Variants in OXR1 observed in about 807,000 individuals in gnomAD.
OXR1 encodes oxidation resistance 1, also known as oxidation resistance protein 1.
Under a neutral mutation model 104.6 loss-of-function variants are expected in OXR1, and 41 were observed. The ratio of observed to expected loss-of-function variants is 0.39; its 90% CI spans 0.31 to 0.51. The LOEUF is 0.51. Among genes scored for constraint, OXR1 ranks in the 20% least tolerant of loss-of-function variants. The probability of loss-of-function intolerance (pLI) is 0.77; values close to 1 mark genes in which losing one functional copy is unlikely to be tolerated. For synonymous variants in OXR1, 348 were observed against 348.4 expected, an observed-to-expected ratio of 1.00 and a Z score of 0.01; for missense variants, 955 against 1,031.9, an observed-to-expected ratio of 0.93 and a Z score of 1.02.
At chr8:106,341,699 G>C (rs984274164) in intron 1 of OXR1, among the ~76,000 whole-genome samples, 6 of 151,920 alleles carry the variant, frequency 3.9e-5, no homozygotes, top group African/African-American at 1.5e-4. Flanking sequence ...AAGGGAACTG[G>C]AGGCCATACA....
chr8:106,695,921 C>T (rs1829981568), intron 7 of OXR1, among the ~76,000 whole-genome samples: 1 of 151,994 alleles, frequency 6.6e-6, no homozygotes, highest in Non-Finnish European at 1.5e-5. Context: ...CCCAGTTTCC[C>T]TTATTAACAT....
intron 3 of OXR1, among the ~76,000 whole-genome samples, chr8:106,561,533 C>T (rs1220388604): frequency 6.6e-6 from 1 of 152,116 alleles, no homozygotes. Flanking sequence ...CAGGAAGGGG[C>T]GGCTGTGGGC....
chr8:106,410,878 T>C (rs1818431432), intron 2 of OXR1, among the ~76,000 whole-genome samples: 1 of 152,184 alleles, frequency 6.6e-6, no homozygotes, highest in African/African-American at 2.4e-5. Context: ...TATGGTTTTA[T>C]ATGTGTTCCC....
At chr8:106,630,843 T>G (rs775092362) in intron 3 of OXR1, among the ~76,000 whole-genome samples, 2 of 152,184 alleles carry the variant, frequency 1.3e-5, no homozygotes, top group Non-Finnish European at 2.9e-5. Flanking sequence ...ACACTTCTAG[T>G]TCTAGGGCTC....
chr8:106,590,381 G>A (rs1202931775), intron 3 of OXR1, among the ~76,000 whole-genome samples: 6 of 152,174 alleles, frequency 3.9e-5, no homozygotes, highest in African/African-American at 1.4e-4. Context: ...TCTGCCTCCT[G>A]GGTTCAAGCG....
intron 1 of OXR1, among the ~76,000 whole-genome samples, chr8:106,302,821 G>A (rs556562601): frequency 8.4e-4 from 127 of 151,736 alleles, no homozygotes; most frequent in Non-Finnish European, 7.4e-4. Flanking sequence ...GCGCCATCTC[G>A]GCTCACTGCA....
chr8:106,686,287 TAA>T (rs34055157), intron 6 of OXR1, among the ~76,000 whole-genome samples: 87,349 of 144,698 alleles, frequency 0.6, 26,897 homozygotes, highest in African/African-American at 0.76. Context: ...GGAAAATAAT[TAA>T]AAAAAAAAAA....
At chr8:106,726,315 T>A in intron 11 of OXR1, 4 of 1,428,180 alleles carry the variant, frequency 2.8e-6, no homozygotes, top group Non-Finnish European at 3.8e-6. Flanking sequence ...CTCTGGTAAA[T>A]CTTAGTCAAT....
At chr8:106,430,259 T>C (rs1437436159) in intron 2 of OXR1, among the ~76,000 whole-genome samples, 1 of 152,168 alleles carries the variant, frequency 6.6e-6, no homozygotes, top group Non-Finnish European at 1.5e-5. Flanking sequence ...AATGATGGAA[T>C]GGAATTAGCT....
chr8:106,739,186 T>C (rs1437202219), intron 12 of OXR1, among the ~76,000 whole-genome samples: 1 of 151,914 alleles, frequency 6.6e-6, no homozygotes, highest in Non-Finnish European at 1.5e-5. Flanking sequence ...AACTATCTTC[T>C]TTACACAGAA....
At chr8:106,596,003 G>T (rs2130726238) in intron 3 of OXR1, among the ~76,000 whole-genome samples, 1 of 152,230 alleles carries the variant, frequency 6.6e-6, no homozygotes, top group Middle Eastern at 3.4e-3. Flanking sequence ...GTAATTTCAA[G>T]TTATCATTTA....
At chr8:106,332,947 T>C (rs1278566928) in intron 1 of OXR1, among the ~76,000 whole-genome samples, 1 of 152,178 alleles carries the variant, frequency 6.6e-6, no homozygotes, top group Admixed American at 6.5e-5. Flanking sequence ...GTTCTCAAGG[T>C]TCATTCATGT....
At chr8:106,559,719 T>C (rs1243678625) in intron 3 of OXR1, among the ~76,000 whole-genome samples, 1 of 152,100 alleles carries the variant, frequency 6.6e-6, no homozygotes, top group African/African-American at 2.4e-5. Flanking sequence ...TATCCTCACA[T>C]GGCAAAAAGG....
chr8:106,316,717 C>CATCTATCT (rs71307053), intron 1 of OXR1, among the ~76,000 whole-genome samples: 160 of 118,674 alleles, frequency 1.3e-3, no homozygotes, highest in Admixed American at 2.5e-3. Context: ...ATCTATCTAT[C>CATCTATCT]ATCTATCTAT....
intron 3 of OXR1, 74 bp from the exon 4 acceptor site, chr8:106,679,136 G>GCT (rs1380410784): frequency 7.3e-6 from 6 of 827,208 alleles, no homozygotes; most frequent in African/African-American, 7.0e-5. Context: ...TGCCCAAAGA[G>GCT]CTCTATTCAG....
chr8:106,622,236 C>G (rs1440100807), intron 3 of OXR1, among the ~76,000 whole-genome samples: 1 of 152,054 alleles, frequency 6.6e-6, no homozygotes, highest in African/African-American at 2.4e-5. Context: ...GCACTGCTTC[C>G]TCCTCGGTCC....
intron 1 of OXR1, among the ~76,000 whole-genome samples, chr8:106,337,058 A>C (rs1204864329): frequency 2.6e-5 from 4 of 152,230 alleles, no homozygotes; most frequent in Non-Finnish European, 5.9e-5. Flanking sequence ...AATATCCGTG[A>C]ATTATAAAGC....
chr8:106,304,127 ATC>A (rs1296860951), intron 1 of OXR1, among the ~76,000 whole-genome samples: 1 of 152,110 alleles, frequency 6.6e-6, no homozygotes, highest in East Asian at 1.9e-4. Flanking sequence ...CCACGTTTTA[ATC>A]TGTCTCTCAT....
intron 6 of OXR1, among the ~76,000 whole-genome samples, chr8:106,688,570 T>G (rs1828972616): frequency 6.6e-6 from 1 of 152,162 alleles, no homozygotes; most frequent in South Asian, 2.1e-4. Context: ...ACAGTAGCTA[T>G]TGTTTTTTTA....
Sources: gnomAD v4.1 joint callset for allele counts (sites outside exome capture counted in the v4.1 genomes callset) on GRCh38, gnomAD v4.1.1 for gene constraint, MANE v1.5 for transcripts, NCBI Gene and HGNC (gene_info 2026-07-23, HGNC 2026-07-21) for gene names.